Variants in LPCAT3 observed in about 807,000 individuals in gnomAD.
The protein encoded by LPCAT3 is lysophosphatidylcholine acyltransferase 3, also known as lysophospholipid acyltransferase 5.
Under a neutral mutation model 63.4 loss-of-function variants are expected in LPCAT3, and 21 were observed. That is an observed-to-expected ratio of 0.33 (90% CI 0.23 to 0.48). The LOEUF (loss-of-function observed/expected upper bound fraction) is 0.48. Ranked by LOEUF, LPCAT3 falls within the 20% of genes least tolerant of loss-of-function variation. The pLI is 0.99. For synonymous variants in LPCAT3, 242 were observed against 227.5 expected (o/e 1.06, Z -0.58); for missense variants, 451 against 590.6 (o/e 0.76, Z 2.45).
intron 1 of LPCAT3, among the ~76,000 whole-genome samples, chr12:7,003,992 C>T (rs1485484889): frequency 4.0e-5 from 6 of 151,180 alleles, no homozygotes. Context: ...ATTCCCAATT[C>T]CTGAAGGGAG....
Position 7,018,237 on chromosome 12 carries a change from CTCCG to C in LPCAT3, c.151+33_151+36del. The stretch of plus-strand genomic sequence containing the variant: ...CCATTCCTCCCCTACTCCCCGGGGA[CTCCG>C]CGAGGGGCGGAGGGAGGCAGGAGGG... On this transcript the variant is annotated intron_variant, in intron 1 of 12. Transcript: ENST00000261407. This position sits in a 1 kb window ranked among gnomAD's most constrained non-coding sequence, Gnocchi z 4.9. The C allele has an allele frequency of 6.4e-7, 1 of 1,571,002 alleles. No homozygotes were observed. The highest frequency in any genetic ancestry group is 1.2e-5 in the South Asian group (1 of 85,640).
At chr12:6,986,320 G>C (rs1946525209) in intron 1 of LPCAT3, among the ~76,000 whole-genome samples, 1 of 152,040 alleles carries the variant, frequency 6.6e-6, no homozygotes, top group African/African-American at 2.4e-5. Context: ...TGAATGAAGA[G>C]TAAACATATT....
chr12:7,001,954 G>C (rs912465279), intron 1 of LPCAT3, among the ~76,000 whole-genome samples: 3 of 152,176 alleles, frequency 2.0e-5, no homozygotes, highest in Non-Finnish European at 4.4e-5. Context: ...AGTCGGGGGG[G>C]AGTTGAGGTA....
chr12:6,978,037 AGTG>A (rs1946428887), intron 9 of LPCAT3: 6 of 553,062 alleles, frequency 1.1e-5, no homozygotes, highest in Non-Finnish European at 1.6e-5. Flanking sequence ...CCCACACTCT[AGTG>A]GTGGGGACAA....
chr12:6,979,146 GA>G (rs1555153731), intron 7 of LPCAT3: 3 of 364,368 alleles, frequency 8.2e-6, no homozygotes, highest in African/African-American at 6.2e-5. Context: ...TATCAGTCAA[GA>G]GAAGAAAATA....
intron 1 of LPCAT3, among the ~76,000 whole-genome samples, chr12:6,991,549 T>C (rs1946590596): frequency 1.3e-5 from 2 of 152,204 alleles, no homozygotes; most frequent in African/African-American, 2.4e-5. Flanking sequence ...TCTGTATATA[T>C]TGAAAAGTGG....
chr12:6,979,189 G>A (rs1174858196), intron 7 of LPCAT3: 2 of 478,360 alleles, frequency 4.2e-6, no homozygotes, highest in African/African-American at 3.9e-5. Context: ...TGTGCTCTGA[G>A]GGGTCACGTG....
At chr12:6,981,660 G>C (rs781885058) in intron 4 of LPCAT3, 28 bp from the exon 5 acceptor site, 82 of 1,612,666 alleles carry the variant, frequency 5.1e-5, no homozygotes, top group Non-Finnish European at 6.2e-5. Context: ...GGATGGGTAG[G>C]GTGGTGGGAG....
In LPCAT3 at chr12:6,977,769, G is replaced by T; in HGVS notation, c.1041-24C>A. 6.2e-7 allele frequency: 1 copy of T among 1,613,240 alleles called. No homozygotes were observed. Among genetic ancestry groups the T allele is most frequent in the South Asian group, 1.1e-5 (1 of 90,820 alleles). ...AGCTGGAGAAAAGGGTGGGTGGGGCGACCCTCAAACTGACTGGTCCTTGCA... is the reference window on the plus strand; with the variant it reads ...AGCTGGAGAAAAGGGTGGGTGGGGCTACCCTCAAACTGACTGGTCCTTGCA... On this transcript the variant is annotated intron_variant, in intron 9 of 12. Coordinates refer to ENST00000261407, the MANE Select transcript of LPCAT3 (RefSeq NM_005768.6). The surrounding 1 kb of genome is among the most constrained non-coding windows in gnomAD (Gnocchi z 4.5).
chr12:6,993,533 C>T (rs1793525891), intron 1 of LPCAT3, among the ~76,000 whole-genome samples: 1 of 152,150 alleles, frequency 6.6e-6, no homozygotes, highest in Middle Eastern at 3.2e-3. Context: ...TGTTGGCAGT[C>T]ATTTCCCATT....
At chr12:6,981,974 C>T (rs1946476221) in intron 3 of LPCAT3, 70 bp from the exon 4 acceptor site, 2 of 850,636 alleles carry the variant, frequency 2.4e-6, no homozygotes, top group Non-Finnish European at 4.0e-6. Flanking sequence ...ATTCAATGTT[C>T]TCTTTCCTTT....
intron 1 of LPCAT3, among the ~76,000 whole-genome samples, chr12:7,003,532 T>C (rs1946704482): frequency 6.6e-6 from 1 of 152,206 alleles, no homozygotes; most frequent in South Asian, 2.1e-4. Flanking sequence ...TCAAATTTTA[T>C]GTCTAACACA....
At chr12:7,008,689 T>A (rs1344485172) in intron 1 of LPCAT3, among the ~76,000 whole-genome samples, 44 of 151,454 alleles carry the variant, frequency 2.9e-4, no homozygotes, top group Non-Finnish European at 2.9e-5. Flanking sequence ...GAGGTGGAGG[T>A]TGCAGTGAGC....
In LPCAT3 at chr12:7,012,896, C is replaced by T. The variant is rs78558443; in HGVS notation, c.151+5378G>A. The stretch of plus-strand genomic sequence containing the variant: ...GGATGGAGTCTTTTTAAAATTACGA[C>T]TTTATCCTCCAGCTAATAAGTTGCC... On this transcript the variant is annotated intron_variant, in intron 1 of 12. Transcript: ENST00000261407. Among the ~76,000 whole-genome samples the T allele has an allele frequency of 3.6e-3, 554 of 152,354 alleles. 1 individual carries two copies. Among genetic ancestry groups the T allele is most frequent in the African/African-American group, 0.013 (527 of 41,586 alleles).
chr12:7,008,144 T>C lies in LPCAT3; in HGVS notation c.151+10130A>G, dbSNP rs76364070. On this transcript the variant is annotated intron_variant, in intron 1 of 12. Coordinates refer to ENST00000261407, the MANE Select transcript of LPCAT3 (RefSeq NM_005768.6). Reference sequence around the variant, plus strand: ...AAATTCTTACCCAGAAATTAATTACTTATCCTTTTTTTAGTGTGTTACTCT... The same window carrying C: ...AAATTCTTACCCAGAAATTAATTACCTATCCTTTTTTTAGTGTGTTACTCT... Among the ~76,000 whole-genome samples, 199 of 152,230 alleles carry C rather than the reference T, an allele frequency of 1.3e-3. 2 individuals are homozygous for C. In the East Asian group the frequency reaches 0.023, roughly 18 times the overall value.
intron 1 of LPCAT3, among the ~76,000 whole-genome samples, chr12:7,009,794 T>C (rs868974194): frequency 3.9e-5 from 6 of 152,168 alleles, no homozygotes; most frequent in Non-Finnish European, 7.4e-5. Flanking sequence ...CACAAAAGAG[T>C]ATGCCTAAGC....
At chr12:7,008,542 T>C (rs1332400997) in intron 1 of LPCAT3, among the ~76,000 whole-genome samples, 1 of 152,144 alleles carries the variant, frequency 6.6e-6, no homozygotes, top group Non-Finnish European at 1.5e-5. Flanking sequence ...TTGCTTAAGG[T>C]GGTTGATGCA....
chr12:6,977,884 C>T lies in LPCAT3; in HGVS notation c.1041-139G>A. On this transcript the variant is annotated intron_variant, in intron 9 of 12. Transcript: ENST00000261407. The surrounding 1 kb of genome is among the most constrained non-coding windows in gnomAD (Gnocchi z 4.5). ...TGTAGCCCCCAGAGGGTACAGGAGG[C>T]AGTGCTGACTGATTACTTTTAGAGA... 1 of 962,474 alleles carries T rather than the reference C, an allele frequency of 1.0e-6. No homozygotes were observed. Among genetic ancestry groups the T allele is most frequent in the Non-Finnish European group, 1.6e-6 (1 of 631,968 alleles). 59.6% of individuals were successfully genotyped at this position (962,474 alleles called of 1,614,324 possible).
intron 3 of LPCAT3, 63 bp downstream of exon 3, chr12:6,982,613 C>A: frequency 2.4e-6 from 3 of 1,253,418 alleles, no homozygotes; most frequent in Non-Finnish European, 3.5e-6. Flanking sequence ...CAGTCCCCTG[C>A]CTACCCCTGT....
Sources: allele counts gnomAD v4.1 joint callset (sites outside exome capture counted in the v4.1 genomes callset), GRCh38; gene constraint gnomAD v4.1.1; non-coding constraint Gnocchi (gnomAD v3.1); transcripts MANE v1.5; gene names NCBI Gene and HGNC (gene_info 2026-07-23, HGNC 2026-07-21).